Variants in PUM2 observed in about 807,000 individuals in gnomAD.
PUM2 encodes the protein pumilio homolog 2.
A neutral mutation model predicts 124.5 loss-of-function variants in PUM2; 57 were observed. The ratio of observed to expected loss-of-function variants is 0.46; its 90% CI spans 0.37 to 0.57. PUM2 has a LOEUF of 0.57. Among genes scored for constraint, PUM2 ranks in the 20% least tolerant of loss-of-function variants. The probability of loss-of-function intolerance (pLI) is 0.00; values close to 1 mark genes in which losing one functional copy is unlikely to be tolerated. For synonymous variants in PUM2, 460 were observed against 446.1 expected (o/e 1.03, Z -0.39); for missense variants, 1,065 against 1,290.6 (o/e 0.83, Z 2.68).
intron 15 of PUM2, 145 bp downstream of exon 15, chr2:20,260,192 C>T (rs574610978): frequency 5.6e-5 from 49 of 868,390 alleles, no homozygotes; most frequent in South Asian, 1.5e-4. Context: ...AAATGTTTAC[C>T]GCATATATAA....
At chr2:20,283,772 T>C (rs568652859) in intron 10 of PUM2, among the ~76,000 whole-genome samples, 3 of 152,036 alleles carry the variant, frequency 2.0e-5, no homozygotes, top group East Asian at 1.9e-4. Context: ...AAGGAAGGGC[T>C]GATATTAGAA....
chr2:20,292,614 G>A (rs1315238611), intron 9 of PUM2, among the ~76,000 whole-genome samples: 4 of 151,688 alleles, frequency 2.6e-5, no homozygotes, highest in Admixed American at 1.3e-4. Flanking sequence ...CACTGCACCC[G>A]GCCTAAAATT....
At chr2:20,344,982 CAAAAAAAAAAA>C (rs762460030) in intron 1 of PUM2, among the ~76,000 whole-genome samples, 14 of 66,266 alleles carry the variant, frequency 2.1e-4, no homozygotes, top group African/African-American at 6.1e-4. Flanking sequence ...GACTCTGTCT[CAAAAAAAAAAA>C]AAAAAAAAAA....
chr2:20,277,044 T>C (rs1455925694), intron 13 of PUM2, among the ~76,000 whole-genome samples: 1 of 152,128 alleles, frequency 6.6e-6, no homozygotes, highest in Non-Finnish European at 1.5e-5. Context: ...AAGTCATTTA[T>C]ATCCGATTTC....
chr2:20,268,339 C>A (rs368485892), intron 13 of PUM2, among the ~76,000 whole-genome samples: 1 of 152,094 alleles, frequency 6.6e-6, no homozygotes, highest in Non-Finnish European at 1.5e-5. Context: ...ATGCCCCATG[C>A]GGTGGCTCAG....
At chr2:20,294,592 CA>C in intron 8 of PUM2, 74 bp from the exon 9 acceptor site, 4 of 1,451,340 alleles carry the variant, frequency 2.8e-6, no homozygotes, top group Non-Finnish European at 3.7e-6. Context: ...TACCTATCAT[CA>C]GATTATAAAA....
Position 20,248,914 on chromosome 2 carries a change from C to T in PUM2, c.*2671G>A, listed in dbSNP as rs894443441. The T allele has an allele frequency of 2.0e-5, 3 of 152,518 alleles. No homozygotes were observed. Among genetic ancestry groups the T allele is most frequent in the African/African-American group, 7.2e-5 (3 of 41,416 alleles). 9.4% of individuals were successfully genotyped at this position (152,518 alleles called of 1,614,324 possible). On this transcript the variant is annotated 3_prime_UTR_variant, in exon 21 of 21. Coordinates refer to ENST00000361078, the MANE Select transcript of PUM2 (RefSeq NM_015317.5). ...CAAGAGTAAAGCCTAGGTAGTTTTG[C>T]CCAATTGTTTTATTCTGAAATGTGA...
At position 20,350,821 on chromosome 2, in the gene PUM2, T is replaced by G. The variant is rs1428090650; in HGVS notation, c.-243A>C. On this transcript the variant is annotated 5_prime_UTR_variant, in exon 1 of 21. Coordinates refer to ENST00000361078, the MANE Select transcript of PUM2 (RefSeq NM_015317.5). ...ACACAGAGACTCACAACAACATGGC[T>G]GCCACCGCCGCCTGCCCTCCCCTCC... The G allele has an allele frequency of 1.1e-5, 11 of 974,056 alleles. No individual in the cohort carries two copies. The highest frequency in any genetic ancestry group is 1.2e-4 in the East Asian group (1 of 8,374). 60.3% of individuals were successfully genotyped at this position (974,056 alleles called of 1,614,324 possible). A position where few individuals can be genotyped will look rare whatever the true frequency, so the allele number is the denominator to read the frequency against.
intron 7 of PUM2, among the ~76,000 whole-genome samples, chr2:20,303,118 A>G (rs1421445205): frequency 6.6e-6 from 1 of 152,096 alleles, no homozygotes; most frequent in African/African-American, 2.4e-5. Context: ...ACAGGGAGAT[A>G]GACTTGAGCT....
At chr2:20,298,261 G>A (rs1676112814) in intron 7 of PUM2, among the ~76,000 whole-genome samples, 1 of 152,158 alleles carries the variant, frequency 6.6e-6, no homozygotes. Context: ...GAGGTATAGT[G>A]TAAGATAAAA....
rs533597003 is a variant in PUM2 at position 20,311,464 on chromosome 2, C to T, written c.518+30G>A. 5.1e-6 allele frequency: 8 copies of T among 1,581,452 alleles called. No homozygotes were observed. The African/African-American group carries it at 5.4e-5, about 11-fold the overall frequency. ...TAGTAATAATCCCTAAAAAGATACG[C>T]TTTTCTTCTTGAGAAAGTTAAAATC... On this transcript the variant is annotated intron_variant, in intron 5 of 20. Transcript: ENST00000361078.
Position 20,283,163 on chromosome 2 carries a change from T to C in PUM2, c.1504A>G (p.Ile502Val), listed in dbSNP as rs758936097. The change falls in exon 12 of 21, where the codon ATT becomes GTT. Residue 502 changes from isoleucine to valine, a missense_variant. Coordinates refer to ENST00000361078, the MANE Select transcript of PUM2 (RefSeq NM_015317.5). ...TGSTNGLFRP[I>V]GTQPPQQQQQ... ...TGCTGCTGTGGTGGCTGAGTGCCAA[T>C]TGGCCGAAACAGACCATTTGTGCTG... 34 of 1,613,972 alleles carry C rather than the reference T, an allele frequency of 2.1e-5. No homozygotes were observed. The highest frequency in any genetic ancestry group is 4.4e-5 in the South Asian group (4 of 91,080).
intron 8 of PUM2, among the ~76,000 whole-genome samples, chr2:20,295,158 T>G (rs548572492): frequency 7.1e-4 from 108 of 151,754 alleles, no homozygotes; most frequent in Middle Eastern, 3.4e-3. Flanking sequence ...GAAAGAAAAA[T>G]AGAAGGGAAA....
chr2:20,273,747 C>T (rs920446286), intron 13 of PUM2, among the ~76,000 whole-genome samples: 16 of 152,110 alleles, frequency 1.1e-4, no homozygotes, highest in South Asian at 2.1e-4. Flanking sequence ...GTGTGCTGCT[C>T]TATACACAGT....
chr2:20,351,456 C>T (rs1689331264), upstream of PUM2, among the ~76,000 whole-genome samples: 1 of 152,218 alleles, frequency 6.6e-6, no homozygotes, highest in South Asian at 2.1e-4. Flanking sequence ...AAATTGTCGG[C>T]CCCCAGTGCT....
chr2:20,340,920 C>T (rs1187797149), intron 1 of PUM2, among the ~76,000 whole-genome samples: 1 of 152,150 alleles, frequency 6.6e-6, no homozygotes, highest in Non-Finnish European at 1.5e-5. Context: ...AGGGCTGTTG[C>T]AAAGATTAAG....
At position 20,260,455 on chromosome 2, in the gene PUM2, T is replaced by G; in HGVS notation, c.2237A>C (p.Gln746Pro). The G allele has an allele frequency of 6.2e-7, 1 of 1,608,762 alleles. No homozygotes were observed. The highest frequency in any genetic ancestry group is 8.5e-7 in the Non-Finnish European group (1 of 1,175,774). ...QDQHGSRFIQQKLERATPAER... is the reference protein window; with the variant it reads ...QDQHGSRFIQPKLERATPAER... ...AGCTGGAGTAGCTCTCTCTAGTTTT[T>G]GCTGTATGAATCTACATAGGGAACA... Residue 746 changes from glutamine to proline, a missense_variant, in exon 15 of 21, where the codon CAA (glutamine) becomes CCA (proline). By Grantham distance (76) the Gln-to-Pro change is moderately conservative (BLOSUM62 -1). Around this residue, in one of 3 missense-constraint regions of PUM2, gnomAD observed 968 missense variants for 1,159.8 expected, o/e 0.83. Coordinates refer to ENST00000361078, the MANE Select transcript of PUM2 (RefSeq NM_015317.5).
intron 10 of PUM2, among the ~76,000 whole-genome samples, chr2:20,284,770 TAAACAC>T (rs1273272615): frequency 4.6e-5 from 7 of 152,230 alleles, no homozygotes; most frequent in African/African-American, 1.4e-4. Flanking sequence ...TTATTGCCTT[TAAACAC>T]AGTAGGCTAA....
intron 16 of PUM2, among the ~76,000 whole-genome samples, chr2:20,257,742 T>G (rs575619701): frequency 6.6e-6 from 1 of 152,298 alleles, no homozygotes; most frequent in South Asian, 2.1e-4. Flanking sequence ...ACACAGAATA[T>G]TTCTCATTTA....
Sources: gnomAD v4.1 joint callset for allele counts (sites outside exome capture counted in the v4.1 genomes callset) on GRCh38, gnomAD v4.1.1 for gene constraint, gnomAD v4.1.1 regional missense constraint, MANE v1.5 for transcripts, NCBI Gene and HGNC (gene_info 2026-07-23, HGNC 2026-07-21) for gene names.